Variants in AKT1 observed in about 807,000 individuals in gnomAD.
The protein encoded by AKT1 is RAC-alpha serine/threonine-protein kinase.
A neutral mutation model predicts 63.1 loss-of-function variants in AKT1; 21 were observed. That is an observed-to-expected ratio of 0.33 (90% confidence interval 0.24 to 0.48). The LOEUF (loss-of-function observed/expected upper bound fraction) is 0.48, where lower values mean the gene tolerates loss of function less well. Among genes scored for constraint, AKT1 ranks in the 20% least tolerant of loss-of-function variants. The pLI, the probability that AKT1 is intolerant of heterozygous loss-of-function variation, is 0.99. For synonymous variants in AKT1, 257 were observed against 253.1 expected, an observed-to-expected ratio of 1.02 and a Z score of -0.15; for missense variants, 382 against 666.0, an observed-to-expected ratio of 0.57 and a Z score of 4.69.
At position 104,775,610 on chromosome 14, in the gene AKT1, A is replaced by AAGGCAGCCCC. The variant is rs775015581; in HGVS notation, c.435+32_435+41dup. On this transcript the variant is annotated intron_variant, in intron 6 of 14. Coordinates refer to ENST00000649815, the MANE Select transcript of AKT1 (RefSeq NM_001382430.1). ...TGACCCACCCAGCCCTCCACAGTCC[A>AAGGCAGCCCC]AGGCAGCCCCAGGCACAGGCAGAAG... is the stretch of plus-strand genomic sequence containing the variant. 9 of 1,605,484 alleles carry AAGGCAGCCCC rather than the reference A, an allele frequency of 5.6e-6. No individual in the cohort carries two copies. The African/African-American group carries it at 1.2e-4, about 21-fold the overall frequency.
intron 3 of AKT1, among the ~76,000 whole-genome samples, chr14:104,781,247 G>A (rs1199744998): frequency 1.3e-5 from 2 of 152,114 alleles, no homozygotes; most frequent in African/African-American, 4.8e-5. Flanking sequence ...AGGGGTTAGG[G>A]AGGGGGCCAG....
At chr14:104,772,157 A>G in intron 13 of AKT1, 2 of 611,176 alleles carry the variant, frequency 3.3e-6, no homozygotes, top group Non-Finnish European at 5.8e-6. Context: ...GGACCAGGCC[A>G]GTTTCCTGGT....
In AKT1 at chr14:104,773,425, CCCTGCCCCCCTG is replaced by C. The variant is rs777816547; in HGVS notation, c.828+18_828+29del. On this transcript the variant is annotated intron_variant, in intron 10 of 14. Transcript: ENST00000649815. ...GGTCAGTGCCGCCAGGCCCCCAGGG[CCCTGCCCCCCTG>C]CCTGCCCGCCAGCGCACCTTGAGGT... is the stretch of plus-strand genomic sequence containing the variant. 2 of 1,613,960 alleles carry C rather than the reference CCCTGCCCCCCTG, an allele frequency of 1.2e-6. No homozygotes were observed. Among genetic ancestry groups the C allele is most frequent in the Non-Finnish European group, 1.7e-6 (2 of 1,179,894 alleles).
intron 3 of AKT1, among the ~76,000 whole-genome samples, chr14:104,791,727 G>C (rs375778484): frequency 4.6e-5 from 7 of 152,374 alleles, no homozygotes; most frequent in African/African-American, 1.4e-4. Flanking sequence ...CCATCTGCTA[G>C]AGGGTGTACG....
Position 104,792,583 on chromosome 14 carries a change from G to A in AKT1, c.46+15C>T, listed in dbSNP as rs1262650589. Reference sequence around the variant, plus strand: ...CTCTCCCTCCCCAGGCCCAGCCCTGGCAGCGGGTACTAACCTCGTTTGTGC... The same window carrying A: ...CTCTCCCTCCCCAGGCCCAGCCCTGACAGCGGGTACTAACCTCGTTTGTGC... On this transcript the variant is annotated intron_variant, in intron 3 of 14. Transcript: ENST00000649815. 6.2e-7 allele frequency: 1 copy of A among 1,611,864 alleles called. No individual in the cohort carries two copies. The highest frequency in any genetic ancestry group is 8.5e-7 in the Non-Finnish European group (1 of 1,179,810).
In AKT1 at chr14:104,783,059, G is replaced by A. The variant is rs187768019; in HGVS notation, c.47-2843C>T. ...GGGCAGGTGGAGGAGACAGCCACCC[G>A]GGGCCCAGCATCACTGTCCTCATGG... On this transcript the variant is annotated intron_variant, in intron 3 of 14. Transcript: ENST00000649815. Among the ~76,000 whole-genome samples, 8 of 152,240 alleles carry A rather than the reference G, an allele frequency of 5.3e-5. No homozygotes were observed. In the East Asian group the frequency reaches 1.4e-3, roughly 26 times the overall value.
At chr14:104,774,118 C>G in intron 8 of AKT1, 138 bp from the exon 9 acceptor site, 1 of 769,226 alleles carries the variant, frequency 1.3e-6, no homozygotes, top group South Asian at 1.6e-5. Flanking sequence ...CTGCCCGACA[C>G]CACGCTGCCT....
In AKT1 at chr14:104,773,981, C is replaced by G; in HGVS notation, c.634-1G>C. 2 of 1,612,120 alleles carry G rather than the reference C, an allele frequency of 1.2e-6. No individual in the cohort carries two copies. Among genetic ancestry groups the G allele is most frequent in the Non-Finnish European group, 1.7e-6 (2 of 1,178,846 alleles). ...GGGTCTGGAAAGAGTACTTCAGGGC[C>G]TGCAAGGAAGGGGAGCTGGAACTGC... On this transcript the variant is annotated splice_acceptor_variant, in intron 8 of 14. Coordinates refer to ENST00000649815, the MANE Select transcript of AKT1 (RefSeq NM_001382430.1). LOFTEE classifies it high-confidence loss of function.
Position 104,770,806 on chromosome 14 carries a change from G to A in AKT1, c.1302C>T (p.Asp434=), listed in dbSNP as rs1892343591. The A allele has an allele frequency of 6.2e-7, 1 of 1,614,136 alleles. No individual in the cohort carries two copies. Among genetic ancestry groups the A allele is most frequent in the Non-Finnish European group, 8.5e-7 (1 of 1,180,028 alleles). ...PFKPQVTSET[D]TRYFDEEFTA... Reference sequence around the variant, plus strand: ...TGAACTCCTCATCAAAATACCTGGTGTCAGTCTCCGACGTGACCTGGGGCT... The same window carrying A: ...TGAACTCCTCATCAAAATACCTGGTATCAGTCTCCGACGTGACCTGGGGCT... Residue 434 remains aspartate, a synonymous_variant, in exon 14 of 15, where the codon GAC becomes GAT. Coordinates refer to ENST00000649815, the MANE Select transcript of AKT1 (RefSeq NM_001382430.1).
chr14:104,787,859 C>A (rs545077176), intron 3 of AKT1, among the ~76,000 whole-genome samples: 1 of 152,212 alleles, frequency 6.6e-6, no homozygotes, highest in Non-Finnish European at 1.5e-5. Context: ...AGCAGTGACC[C>A]CTCACCCCCA....
At chr14:104,772,709 G>A (rs1029408662) in intron 12 of AKT1, among the ~76,000 whole-genome samples, 169 bp downstream of exon 12, 8 of 152,178 alleles carry the variant, frequency 5.3e-5, no homozygotes, top group Non-Finnish European at 1.0e-4. Context: ...CGGCCTGCCC[G>A]CCACTCTGCT....
At chr14:104,779,727 G>T (rs1010173680) in intron 4 of AKT1, among the ~76,000 whole-genome samples, 1 of 146,574 alleles carries the variant, frequency 6.8e-6, no homozygotes, top group African/African-American at 2.6e-5. Context: ...AGCCAGCCTC[G>T]GCCTCGGGAC....
At chr14:104,776,024 T>G in intron 5 of AKT1, 1 of 494,656 alleles carries the variant, frequency 2.0e-6, no homozygotes. Context: ...AGCAGGACTC[T>G]GTCCCCACAA....
In AKT1 at chr14:104,780,164, G is replaced by A. The variant is rs1892952947; in HGVS notation, c.99C>T (p.Gly33=). Residue 33 remains glycine (G), a synonymous_variant, in exon 4 of 15, where the codon GGC becomes GGT. Transcript: ENST00000649815. ...RPRYFLLKND[G]TFIGYKERPQ... is the part of the protein sequence containing the mutation. Reference sequence around the variant, plus strand: ...GCCGCTCCTTGTAGCCAATGAAGGTGCCATCATTCTTGAGGAGGAAGTAGC... The same window carrying A: ...GCCGCTCCTTGTAGCCAATGAAGGTACCATCATTCTTGAGGAGGAAGTAGC... The A allele has an allele frequency of 6.2e-7, 1 of 1,613,570 alleles. No homozygotes were observed. Among genetic ancestry groups the A allele is most frequent in the African/African-American group, 1.3e-5 (1 of 74,942 alleles).
chr14:104,781,155 A>G (rs374751823), intron 3 of AKT1, among the ~76,000 whole-genome samples: 1 of 152,142 alleles, frequency 6.6e-6, no homozygotes, highest in African/African-American at 2.4e-5. Context: ...AAAATGTTCC[A>G]CTTACATTTT....
chr14:104,777,636 G>T (rs1205302682), intron 4 of AKT1: 2 of 988,332 alleles, frequency 2.0e-6, no homozygotes, highest in Non-Finnish European at 2.4e-6. Context: ...GCCCTGAGAG[G>T]TGTGAGTGAG....
intron 4 of AKT1, chr14:104,777,029 A>G (rs1892756496): frequency 2.2e-6 from 1 of 454,164 alleles, no homozygotes; most frequent in South Asian, 2.4e-5. Flanking sequence ...AACCCCCACC[A>G]TCGTCCACTC....
intron 3 of AKT1, among the ~76,000 whole-genome samples, chr14:104,788,403 C>A (rs1175657927): frequency 6.6e-6 from 1 of 152,214 alleles, no homozygotes; most frequent in Non-Finnish European, 1.5e-5. Context: ...AACAATTAGC[C>A]CTGCGGGGCC....
intron 3 of AKT1, among the ~76,000 whole-genome samples, chr14:104,787,521 C>T (rs1015991740): frequency 6.6e-6 from 1 of 152,230 alleles, no homozygotes; most frequent in African/African-American, 2.4e-5. Context: ...CAAGCCGGGC[C>T]GGGTGTGCCC....
Sources: allele counts gnomAD v4.1 joint callset (sites outside exome capture counted in the v4.1 genomes callset), GRCh38; gene constraint gnomAD v4.1.1; transcripts MANE v1.5; gene names NCBI Gene and HGNC (gene_info 2026-07-23, HGNC 2026-07-21).